SAP18: variants seen among roughly 807,000 people sequenced by gnomAD.
The protein encoded by SAP18 is Sin3A associated protein 18.
A neutral mutation model predicts 18.6 loss-of-function variants in SAP18; 4 were observed. That is an observed-to-expected ratio of 0.21 (90% confidence interval 0.11 to 0.49). The LOEUF is 0.49. Among genes scored for constraint, SAP18 ranks in the 20% least tolerant of loss-of-function variants. The pLI is 0.98. For synonymous variants in SAP18, 112 were observed against 82.8 expected (o/e 1.35, Z -1.92); for missense variants, 170 against 226.4 (o/e 0.75, Z 1.60).
At chr13:21,146,906 A>T in exon 3 of SAP18, 1 of 1,611,344 alleles carries the variant, frequency 6.2e-7, no homozygotes, top group Non-Finnish European at 8.5e-7. Flanking sequence ...GTTTTTACAG[A>T]TGTTAAAAGA....
chr13:21,146,858 A>G, exon 3 of SAP18: 1 of 1,613,088 alleles, frequency 6.2e-7, no homozygotes, highest in Non-Finnish European at 8.5e-7. Flanking sequence ...GTCTACCCAG[A>G]AGCTAGAAAG....
chr13:21,140,780 G>T (rs1869435833), intron 1 of SAP18, 99 bp downstream of exon 1: 1 of 1,591,796 alleles, frequency 6.3e-7, no homozygotes, highest in South Asian at 1.1e-5. Flanking sequence ...TGGTGTTTTT[G>T]GTCTCGGGGA....
At chr13:21,147,197 T>C in exon 4 of SAP18, 1 of 1,612,870 alleles carries the variant, frequency 6.2e-7, no homozygotes, top group Non-Finnish European at 8.5e-7. Context: ...GTTAAGGAGA[T>C]TGGCAGCACC....
exon 4 of SAP18, chr13:21,147,385 G>T (rs770851175): frequency 6.5e-7 from 1 of 1,547,536 alleles, no homozygotes; most frequent in Admixed American, 1.9e-5. Flanking sequence ...CGTCAGTTAT[G>T]TAAAATAAAC....
chr13:21,140,990 C>T, exon 2 of SAP18: 3 of 1,610,424 alleles, frequency 1.9e-6, no homozygotes, highest in Non-Finnish European at 2.5e-6. Flanking sequence ...TGCAGATCTA[C>T]ACTTGGTGAG....
exon 4 of SAP18, chr13:21,147,573 A>G: frequency 2.1e-6 from 1 of 483,754 alleles, no homozygotes; most frequent in South Asian, 2.6e-5. Flanking sequence ...TCTGTGTAAA[A>G]CTGTACTGTT....
At chr13:21,147,502 T>A (rs1260081779) in exon 4 of SAP18, 4 of 669,278 alleles carry the variant, frequency 6.0e-6, no homozygotes, top group Non-Finnish European at 1.0e-5. Context: ...ATTGTATGAT[T>A]ACGAATAGTC....
In SAP18 at chr13:21,141,005, G is replaced by A. The variant is rs752791162; in HGVS notation, c.239+10G>A. 6.9e-6 allele frequency: 11 copies of A among 1,586,186 alleles called. No homozygotes were observed. Among genetic ancestry groups the A allele is most frequent in the Non-Finnish European group, 9.5e-6 (11 of 1,155,318 alleles). ...TGCAGATCTACACTTGGTGAGGAGG[G>A]CGGGGTGGCCTCAGGGACCCGGGCC... On this transcript the variant is annotated intron_variant, in intron 2 of 3. Transcript: ENST00000621421.
chr13:21,143,187 A>G (rs532800246), intron 2 of SAP18, among the ~76,000 whole-genome samples: 3 of 152,202 alleles, frequency 2.0e-5, no homozygotes, highest in Non-Finnish European at 4.4e-5. Context: ...ATTGGCATAC[A>G]AATGTGTTTG....
At chr13:21,144,548 A>G (rs907661282) in intron 2 of SAP18, among the ~76,000 whole-genome samples, 31 of 152,160 alleles carry the variant, frequency 2.0e-4, no homozygotes, top group African/African-American at 7.0e-4. Context: ...CTTTCAACTA[A>G]TAGAATCAGG....
chr13:21,148,808 A>G (rs1869746320), exon 4 of SAP18: 1 of 152,224 alleles, frequency 6.6e-6, no homozygotes, highest in African/African-American at 2.4e-5. Flanking sequence ...TGAAGAGGGT[A>G]GGAACTAAAT....
At chr13:21,142,615 C>T (rs1253605694) in intron 2 of SAP18, among the ~76,000 whole-genome samples, 2 of 152,164 alleles carry the variant, frequency 1.3e-5, no homozygotes, top group African/African-American at 2.4e-5. Flanking sequence ...GCATGAGCCA[C>T]CGCACCTGGT....
chr13:21,143,686 T>C (rs1482576141), intron 2 of SAP18, among the ~76,000 whole-genome samples: 3 of 152,074 alleles, frequency 2.0e-5, no homozygotes, highest in African/African-American at 7.2e-5. Context: ...TAGAGTGATT[T>C]TTAGGGTTAA....
chr13:21,141,102 C>T (rs1248113618), intron 2 of SAP18, 107 bp downstream of exon 2: 5 of 742,298 alleles, frequency 6.7e-6, no homozygotes, highest in Non-Finnish European at 9.3e-6. Flanking sequence ...TTTCATTTCT[C>T]CACTTGGGGC....
intron 2 of SAP18, among the ~76,000 whole-genome samples, chr13:21,142,429 C>T (rs190195868): frequency 2.0e-5 from 3 of 151,806 alleles, no homozygotes; most frequent in Non-Finnish European, 4.4e-5. Context: ...CAGGTTCAAG[C>T]GATTCTCACG....
At chr13:21,140,271 A>G (rs1233479523), upstream of SAP18, among the ~76,000 whole-genome samples, 2 of 152,186 alleles carry the variant, frequency 1.3e-5, no homozygotes, top group African/African-American at 4.8e-5. Context: ...CTTTGTGTCC[A>G]ATAAGGTTTT....
At chr13:21,140,574 G>C in exon 1 of SAP18, 1 of 1,603,820 alleles carries the variant, frequency 6.2e-7, no homozygotes, top group Non-Finnish European at 8.5e-7. Context: ...AGGGGTCGGA[G>C]GTCAGGGCGA....
upstream of SAP18, chr13:21,140,452 G>C (rs575712951): frequency 7.3e-7 from 1 of 1,360,848 alleles, no homozygotes; most frequent in African/African-American, 1.5e-5. Flanking sequence ...GCTCCGGCTC[G>C]CTCACCACGC....
At chr13:21,142,054 A>C (rs1296669257) in intron 2 of SAP18, among the ~76,000 whole-genome samples, 1 of 147,650 alleles carries the variant, frequency 6.8e-6, no homozygotes, top group Non-Finnish European at 1.5e-5. Context: ...TGGGAGGCTG[A>C]GGCTGGCGGA....
Sources: gnomAD v4.1 joint callset for allele counts (sites outside exome capture counted in the v4.1 genomes callset) on GRCh38, gnomAD v4.1.1 for gene constraint, MANE v1.5 for transcripts, NCBI Gene and HGNC (gene_info 2026-07-23, HGNC 2026-07-21) for gene names.